Variants in SLC35A1 observed in about 807,000 individuals in gnomAD.
SLC35A1 encodes solute carrier family 35 member A1.
A neutral mutation model predicts 40.3 loss-of-function variants in SLC35A1; 21 were observed. That is an observed-to-expected ratio of 0.52 (90% CI 0.37 to 0.75). The LOEUF (loss-of-function observed/expected upper bound fraction) is 0.75. Ranked by LOEUF, SLC35A1 falls within the 30% of genes least tolerant of loss-of-function variation. SLC35A1 has a pLI of 0.00. For missense variants in SLC35A1, 297 were observed against 382.1 expected, an observed-to-expected ratio of 0.78 and a Z score of 1.86; for synonymous variants, 146 against 147.3, an observed-to-expected ratio of 0.99 and a Z score of 0.06.
At chr6:87,508,977 C>A in intron 6 of SLC35A1, 64 bp from the exon 7 acceptor site, 1 of 1,558,462 alleles carries the variant, frequency 6.4e-7, no homozygotes, top group Non-Finnish European at 8.9e-7. Context: ...ATGAAAATTG[C>A]CTCACCATTA....
intron 7 of SLC35A1, among the ~76,000 whole-genome samples, chr6:87,511,093 T>A (rs937326688): frequency 1.3e-5 from 2 of 152,120 alleles, no homozygotes; most frequent in African/African-American, 2.4e-5. Context: ...TTAAAAAAAA[T>A]TATATATTTT....
intron 1 of SLC35A1, among the ~76,000 whole-genome samples, chr6:87,475,106 A>G (rs1562016116): frequency 6.6e-6 from 1 of 152,220 alleles, no homozygotes; most frequent in East Asian, 1.9e-4. Flanking sequence ...GTCTCTTGTC[A>G]TAACTACTCA....
chr6:87,511,232 C>G (rs560298114), intron 7 of SLC35A1, among the ~76,000 whole-genome samples, 167 bp from the exon 8 acceptor site: 5 of 152,060 alleles, frequency 3.3e-5, no homozygotes. Context: ...CTGCCTCCCC[C>G]TCTCCTTTTT....
At chr6:87,509,216 C>T in intron 7 of SLC35A1, 41 bp downstream of exon 7, 1 of 1,611,932 alleles carries the variant, frequency 6.2e-7, no homozygotes. Flanking sequence ...ATGGAAGAGC[C>T]TCCCATTTCC....
chr6:87,493,317 C>CT (rs1002168460), intron 2 of SLC35A1, among the ~76,000 whole-genome samples: 1 of 151,876 alleles, frequency 6.6e-6, no homozygotes, highest in Non-Finnish European at 1.5e-5. Context: ...TCCTTTATTC[C>CT]TTTTTTTTCC....
At chr6:87,509,366 T>A (rs550723819) in intron 7 of SLC35A1, among the ~76,000 whole-genome samples, 191 bp downstream of exon 7, 22 of 152,182 alleles carry the variant, frequency 1.4e-4, no homozygotes, top group Non-Finnish European at 2.2e-4. Flanking sequence ...ACTTTGGTTG[T>A]TTAGGTGGTC....
chr6:87,506,280 TTTTAGTAAGACTG>T, intron 4 of SLC35A1, 89 bp from the exon 5 acceptor site: 1 of 909,956 alleles, frequency 1.1e-6, no homozygotes, highest in South Asian at 1.3e-5. Context: ...TGGAATATAC[TTTTAGTAAGACTG>T]TAACAGGTTT....
intron 6 of SLC35A1, among the ~76,000 whole-genome samples, 170 bp from the exon 7 acceptor site, chr6:87,508,871 T>C (rs1287057342): frequency 1.5e-5 from 2 of 129,860 alleles, no homozygotes; most frequent in Admixed American, 8.4e-5. Flanking sequence ...AACAGTGTTA[T>C]ATAGGAACTA....
chr6:87,483,872 G>T (rs755357572), intron 2 of SLC35A1, among the ~76,000 whole-genome samples: 5 of 152,142 alleles, frequency 3.3e-5, no homozygotes, highest in Non-Finnish European at 4.4e-5. Flanking sequence ...TGGCGTGCTG[G>T]TATAAATCCC....
intron 7 of SLC35A1, among the ~76,000 whole-genome samples, chr6:87,510,869 C>T (rs913464927): frequency 3.4e-5 from 5 of 145,490 alleles, no homozygotes; most frequent in Admixed American, 1.4e-4. Context: ...GAAACTCCGT[C>T]TCAAAAAAAA....
Position 87,477,408 on chromosome 6 carries a change from C to G in SLC35A1, c.63C>G (p.Thr21=), listed in dbSNP as rs770089366. Residue 21 remains threonine (T), a synonymous_variant, in exon 2 of 8, where the codon ACC becomes ACG. Transcript: ENST00000369552. ...AGTTATACTGCTTGGCAGTGATGACCCTGATGGCTGCAGTCTATACCATAG... is the reference window on the plus strand; with the variant it reads ...AGTTATACTGCTTGGCAGTGATGACGCTGATGGCTGCAGTCTATACCATAG... ...LFKLYCLAVM[T]LMAAVYTIAL... The G allele has an allele frequency of 1.1e-5, 18 of 1,613,602 alleles. No individual in the cohort carries two copies. Among genetic ancestry groups the G allele is most frequent in the Admixed American group, 8.3e-5 (5 of 59,996 alleles).
At chr6:87,482,247 CT>C (rs1326466329) in intron 2 of SLC35A1, among the ~76,000 whole-genome samples, 4 of 130,600 alleles carry the variant, frequency 3.1e-5, no homozygotes, top group African/African-American at 5.7e-5. Context: ...CCCCCCCCTC[CT>C]TTTTTTTCCC....
At chr6:87,482,786 G>A (rs1168864492) in intron 2 of SLC35A1, among the ~76,000 whole-genome samples, 3 of 152,206 alleles carry the variant, frequency 2.0e-5, no homozygotes, top group Non-Finnish European at 4.4e-5. Context: ...TAACAGAATA[G>A]CCCCATACTT....
At chr6:87,504,271 GAA>G (rs1159630556) in intron 4 of SLC35A1, among the ~76,000 whole-genome samples, 6 of 96,830 alleles carry the variant, frequency 6.2e-5, no homozygotes, top group Admixed American at 1.0e-4. Flanking sequence ...GTCTCAAAAA[GAA>G]AAAAAAAAAA....
chr6:87,505,262 T>A (rs1770044496), intron 4 of SLC35A1, among the ~76,000 whole-genome samples: 1 of 152,238 alleles, frequency 6.6e-6, no homozygotes, highest in Admixed American at 6.5e-5. Flanking sequence ...TTCCTTGTCA[T>A]ATTACAGTCA....
At chr6:87,473,437 A>C (rs1419769203) in intron 1 of SLC35A1, among the ~76,000 whole-genome samples, 1 of 152,156 alleles carries the variant, frequency 6.6e-6, no homozygotes, top group Non-Finnish European at 1.5e-5. Context: ...TACCCTGTGG[A>C]TGCTCAGAGG....
chr6:87,489,024 G>T (rs2127968234), intron 2 of SLC35A1, among the ~76,000 whole-genome samples: 1 of 152,366 alleles, frequency 6.6e-6, no homozygotes, highest in African/African-American at 2.4e-5. Flanking sequence ...GGTAGCTGTA[G>T]ATGGGTTGCA....
intron 4 of SLC35A1, 101 bp downstream of exon 4, chr6:87,501,411 T>C: frequency 8.1e-7 from 1 of 1,235,456 alleles, no homozygotes; most frequent in Admixed American, 2.0e-5. Context: ...ACTACATTTC[T>C]TTGATTTAAA....
chr6:87,502,257 A>G (rs543144031), intron 4 of SLC35A1, among the ~76,000 whole-genome samples: 1 of 152,258 alleles, frequency 6.6e-6, no homozygotes, highest in Admixed American at 6.5e-5. Flanking sequence ...TTATTTCTCA[A>G]TATATCCTAA....
Sources: allele counts gnomAD v4.1 joint callset (sites outside exome capture counted in the v4.1 genomes callset), GRCh38; gene constraint gnomAD v4.1.1; transcripts MANE v1.5; gene names NCBI Gene and HGNC (gene_info 2026-07-23, HGNC 2026-07-21).